SLC24A3: variants seen among roughly 807,000 people sequenced by gnomAD.
SLC24A3 encodes the protein solute carrier family 24 member 3.
In SLC24A3, 28 loss-of-function variants were observed where a neutral mutation model predicts 75.8. The ratio of observed to expected loss-of-function variants is 0.37; its 90% CI spans 0.27 to 0.51. The LOEUF is 0.51. Ranked by LOEUF, SLC24A3 falls within the 20% of genes least tolerant of loss-of-function variation. The probability of loss-of-function intolerance (pLI) is 0.94; values close to 1 mark genes in which losing one functional copy is unlikely to be tolerated. For synonymous variants in SLC24A3, 372 were observed against 334.1 expected (o/e 1.11, Z -1.24); for missense variants, 663 against 847.8 (o/e 0.78, Z 2.71).
chr20:19,220,817 G>A (rs1237494362), intron 1 of SLC24A3, among the ~76,000 whole-genome samples: 1 of 152,180 alleles, frequency 6.6e-6, no homozygotes, highest in East Asian at 1.9e-4. Flanking sequence ...TGTGGCCTGG[G>A]CATTGGGATT....
intron 6 of SLC24A3, among the ~76,000 whole-genome samples, chr20:19,609,889 A>T (rs1257520121): frequency 2.0e-5 from 3 of 152,246 alleles, no homozygotes; most frequent in Non-Finnish European, 4.4e-5. Flanking sequence ...AAGTGATAGC[A>T]GTAACTGGAA....
chr20:19,653,390 C>A (rs918643777), intron 6 of SLC24A3, among the ~76,000 whole-genome samples: 6 of 152,224 alleles, frequency 3.9e-5, no homozygotes, highest in Non-Finnish European at 7.3e-5. Context: ...GTATGCAAAT[C>A]AATCTTTCAA....
intron 2 of SLC24A3, among the ~76,000 whole-genome samples, chr20:19,433,668 T>C (rs1196845208): frequency 6.6e-6 from 1 of 152,166 alleles, no homozygotes; most frequent in African/African-American, 2.4e-5. Context: ...ATGTAAAGTA[T>C]GGTAAGACCA....
At chr20:19,473,774 C>T (rs555189858) in intron 2 of SLC24A3, among the ~76,000 whole-genome samples, 62 of 152,336 alleles carry the variant, frequency 4.1e-4, no homozygotes, top group Middle Eastern at 3.4e-3. Flanking sequence ...CTCCAGTAAG[C>T]GCCCCTCCAA....
intron 3 of SLC24A3, among the ~76,000 whole-genome samples, chr20:19,549,230 T>C (rs1233723505): frequency 6.6e-6 from 1 of 152,226 alleles, no homozygotes; most frequent in African/African-American, 2.4e-5. Context: ...TAGCCACTTC[T>C]CTGTGAAGGC....
chr20:19,703,419 T>C (rs1243079748), intron 15 of SLC24A3, among the ~76,000 whole-genome samples: 2 of 152,238 alleles, frequency 1.3e-5, no homozygotes, highest in African/African-American at 4.8e-5. Context: ...CCAGTATCCA[T>C]CTGACACATA....
chr20:19,231,262 G>A (rs567199929), intron 1 of SLC24A3, among the ~76,000 whole-genome samples: 7 of 152,342 alleles, frequency 4.6e-5, no homozygotes, highest in Non-Finnish European at 8.8e-5. Flanking sequence ...CCCCAGTGTG[G>A]TTTGCAGAAT....
intron 1 of SLC24A3, among the ~76,000 whole-genome samples, chr20:19,259,401 A>C (rs987236712): frequency 3.3e-5 from 5 of 152,180 alleles, no homozygotes; most frequent in African/African-American, 1.2e-4. Context: ...ATGCTTGGCC[A>C]TGTGTTGGCA....
intron 2 of SLC24A3, among the ~76,000 whole-genome samples, chr20:19,382,774 A>G (rs1322579785): frequency 1.3e-5 from 2 of 152,100 alleles, no homozygotes; most frequent in African/African-American, 4.8e-5. Context: ...CAAACATGGC[A>G]TATTGGGGTT....
At chr20:19,656,514 C>G (rs916087730) in intron 7 of SLC24A3, among the ~76,000 whole-genome samples, 1 of 152,232 alleles carries the variant, frequency 6.6e-6, no homozygotes, top group African/African-American at 2.4e-5. Context: ...CCAGGCTTCT[C>G]TAATACCCCT....
In SLC24A3 at chr20:19,478,083, G is replaced by A. The variant is rs566197027; in HGVS notation, c.272-37405G>A. Among the ~76,000 whole-genome samples, 3 of 152,294 alleles carry A rather than the reference G, an allele frequency of 2.0e-5. No individual in the cohort carries two copies. In the East Asian group the frequency reaches 5.8e-4, roughly 29 times the overall value. ...TCATTTATTGCCATCTGTCACCTTG[G>A]TTATTTGCAGGGATTTCATTTAGTG... On this transcript the variant is annotated intron_variant, in intron 2 of 16. Coordinates refer to ENST00000328041, the MANE Select transcript of SLC24A3 (RefSeq NM_020689.4).
intron 2 of SLC24A3, among the ~76,000 whole-genome samples, chr20:19,368,016 A>G (rs909472665): frequency 1.5e-4 from 23 of 152,348 alleles, no homozygotes; most frequent in African/African-American, 5.5e-4. Flanking sequence ...CTTGGAATAG[A>G]TGGTAGTAAA....
intron 2 of SLC24A3, among the ~76,000 whole-genome samples, chr20:19,508,376 G>T (rs1988490306): frequency 6.6e-6 from 1 of 152,156 alleles, no homozygotes; most frequent in Non-Finnish European, 1.5e-5. Context: ...AGCAGCCCAT[G>T]TTCCTTTTGC....
At chr20:19,502,560 T>C (rs1295347705) in intron 2 of SLC24A3, among the ~76,000 whole-genome samples, 1 of 151,916 alleles carries the variant, frequency 6.6e-6, no homozygotes, top group Non-Finnish European at 1.5e-5. Flanking sequence ...ATGATGACCC[T>C]CCAGTAATTC....
chr20:19,531,808 C>G (rs997447146), intron 3 of SLC24A3, among the ~76,000 whole-genome samples: 4 of 152,194 alleles, frequency 2.6e-5, no homozygotes, highest in African/African-American at 9.7e-5. Flanking sequence ...GTGAAAGCAG[C>G]TTTCCAAGCC....
chr20:19,699,142 T>C (rs889852218), intron 15 of SLC24A3, among the ~76,000 whole-genome samples: 7 of 152,262 alleles, frequency 4.6e-5, no homozygotes, highest in Non-Finnish European at 8.8e-5. Flanking sequence ...TCTTCACTCA[T>C]GGACTATGCA....
intron 12 of SLC24A3, among the ~76,000 whole-genome samples, chr20:19,690,599 C>A (rs2032734136): frequency 6.6e-6 from 1 of 152,078 alleles, no homozygotes; most frequent in Non-Finnish European, 1.5e-5. Flanking sequence ...TGAGGGGATT[C>A]TAGGAGGTTC....
chr20:19,605,350 T>G (rs189155281), intron 6 of SLC24A3, among the ~76,000 whole-genome samples: 1 of 152,300 alleles, frequency 6.6e-6, no homozygotes, highest in East Asian at 1.9e-4. Context: ...ATCACTTACA[T>G]CTACTGGCTA....
intron 2 of SLC24A3, among the ~76,000 whole-genome samples, chr20:19,305,087 C>T (rs1984291786): frequency 1.3e-5 from 2 of 152,148 alleles, no homozygotes; most frequent in African/African-American, 4.8e-5. Flanking sequence ...TGTCACATCC[C>T]TGGGGAAAAA....
Sources: gnomAD v4.1 joint callset for allele counts (sites outside exome capture counted in the v4.1 genomes callset) on GRCh38, gnomAD v4.1.1 for gene constraint, MANE v1.5 for transcripts, NCBI Gene and HGNC (gene_info 2026-07-23, HGNC 2026-07-21) for gene names.